Variants in KCNN3 observed in about 807,000 individuals in gnomAD.
KCNN3 encodes the protein potassium calcium-activated channel subfamily N member 3, also known as small conductance calcium-activated potassium channel protein 3.
Under a neutral mutation model 62.9 loss-of-function variants are expected in KCNN3, and 16 were observed. That is an observed-to-expected ratio of 0.25 (90% confidence interval 0.17 to 0.39). The LOEUF (loss-of-function observed/expected upper bound fraction) is 0.39. Among genes scored for constraint, KCNN3 ranks in the 10% least tolerant of loss-of-function variants. The pLI is 1.00. For synonymous variants in KCNN3, 370 were observed against 389.2 expected (o/e 0.95, Z 0.58); for missense variants, 599 against 949.4 (o/e 0.63, Z 4.85).
At chr1:154,790,222 T>C (rs545142149) in intron 2 of KCNN3, among the ~76,000 whole-genome samples, 1 of 152,292 alleles carries the variant, frequency 6.6e-6, no homozygotes, top group Non-Finnish European at 1.5e-5. Context: ...TGAGCCACCA[T>C]GCCCAGCCAA....
chr1:154,836,687 G>A (rs1009064100), intron 1 of KCNN3, among the ~76,000 whole-genome samples: 4 of 152,064 alleles, frequency 2.6e-5, no homozygotes, highest in African/African-American at 9.7e-5. Flanking sequence ...CATCCCTCTC[G>A]CACTATTCCT....
intron 2 of KCNN3, among the ~76,000 whole-genome samples, chr1:154,818,741 T>C (rs1650771525): frequency 6.6e-6 from 1 of 152,224 alleles, no homozygotes; most frequent in African/African-American, 2.4e-5. Flanking sequence ...CTGTGAGAAA[T>C]ACATTTATGT....
chr1:154,870,229 G>T lies in KCNN3; in HGVS notation c.-265C>A. Reference sequence around the variant, plus strand: ...GGTGAAAGAACTCTCTCAGGAGGTGGTCCTCTAGGAGCGTGTGAGGCCAGG... The same window carrying T: ...GGTGAAAGAACTCTCTCAGGAGGTGTTCCTCTAGGAGCGTGTGAGGCCAGG... On this transcript the variant is annotated 5_prime_UTR_variant, in exon 1 of 8. Transcript: ENST00000271915. The T allele has an allele frequency of 1.5e-6, 1 of 654,848 alleles. No individual in the cohort carries two copies. The highest frequency in any genetic ancestry group is 1.5e-5 in the South Asian group (1 of 66,166). The allele number at this position is 654,848 out of a possible 1,614,324, so 40.6% of individuals were successfully genotyped here.
At chr1:154,755,924 AGAAGAG>A (rs1214668985) in intron 3 of KCNN3, among the ~76,000 whole-genome samples, 4 of 122,862 alleles carry the variant, frequency 3.3e-5, no homozygotes, top group African/African-American at 1.3e-4. Flanking sequence ...GAAGAGAAGA[AGAAGAG>A]GTGGAGGATG....
intron 3 of KCNN3, chr1:154,737,146 G>T: frequency 4.0e-6 from 2 of 495,476 alleles, no homozygotes; most frequent in Non-Finnish European, 7.8e-6. Context: ...ATTTTAGAGC[G>T]GTTTACACAT....
rs1360739339 is a variant in KCNN3 at position 154,714,123 on chromosome 1, TGGG to T, written c.1830-593_1830-591del. ...TATGGTGTGTGTGATGTGGTGTGTGTGGGTTGTGTGTGTGGTGTTTGTGTGTGG... is the reference window on the plus strand; with the variant it reads ...TATGGTGTGTGTGATGTGGTGTGTGTTTGTGTGTGTGGTGTTTGTGTGTGG... On this transcript the variant is annotated intron_variant, in intron 6 of 7. Transcript: ENST00000271915. Among the ~76,000 whole-genome samples, 551 of 119,602 alleles carry T rather than the reference TGGG, an allele frequency of 4.6e-3. 13 individuals are homozygous for T. Among genetic ancestry groups the T allele is most frequent in the African/African-American group, 0.019 (533 of 28,400 alleles). 78.5% of individuals were successfully genotyped at this position (119,602 alleles called of 152,430 possible).
At chr1:154,824,872 A>G (rs1651042528) in intron 1 of KCNN3, among the ~76,000 whole-genome samples, 1 of 152,162 alleles carries the variant, frequency 6.6e-6, no homozygotes, top group African/African-American at 2.4e-5. Flanking sequence ...TTTGGCCAGT[A>G]CAACCTCCCT....
intron 2 of KCNN3, among the ~76,000 whole-genome samples, chr1:154,805,812 G>T (rs75366493): frequency 2.0e-5 from 3 of 152,210 alleles, no homozygotes; most frequent in Non-Finnish European, 2.9e-5. Flanking sequence ...CAGAATAATG[G>T]CCCCCCAAAA....
rs1650544780 is a variant in KCNN3 at position 154,813,874 on chromosome 1, A to G, written c.1029+8215T>C. The stretch of plus-strand genomic sequence containing the variant: ...AGGGAGAGCAGCCGGGGGCCCTCAC[A>G]CCTGAGGGACAGGGAGCAGGGGCAG... On this transcript the variant is annotated intron_variant, in intron 2 of 7. Transcript: ENST00000271915. Among the ~76,000 whole-genome samples the G allele has an allele frequency of 2.0e-5, 3 of 152,142 alleles. No homozygotes were observed. The South Asian group carries it at 6.2e-4, about 32-fold the overall frequency.
chr1:154,751,244 G>T (rs1361403576), intron 3 of KCNN3, among the ~76,000 whole-genome samples: 1 of 152,132 alleles, frequency 6.6e-6, no homozygotes, highest in Non-Finnish European at 1.5e-5. Flanking sequence ...TGAGGATTTG[G>T]CTAAAGAAGC....
rs1699876715 is a variant in KCNN3, at chr1:154,702,686, T to C, written c.*5290A>G. Reference sequence around the variant, plus strand: ...TTGAGTGAAGCTGGACGTTGGCTGCTTCGATCTGATTCAGATATATATATA... The same window carrying C: ...TTGAGTGAAGCTGGACGTTGGCTGCCTCGATCTGATTCAGATATATATATA... On this transcript the variant is annotated 3_prime_UTR_variant, in exon 8 of 8. Transcript: ENST00000271915. 7.7e-6 allele frequency: 1 copy of C among 129,820 alleles called. No homozygotes were observed. Among genetic ancestry groups the C allele is most frequent in the Non-Finnish European group, 1.6e-5 (1 of 62,902 alleles). The allele number at this position is 129,820 out of a possible 1,614,324, so 8.0% of individuals were successfully genotyped here. A position where few individuals can be genotyped will look rare whatever the true frequency, so the allele number is the denominator to read the frequency against.
At chr1:154,740,566 C>T (rs1412609481) in intron 3 of KCNN3, among the ~76,000 whole-genome samples, 1 of 152,202 alleles carries the variant, frequency 6.6e-6, no homozygotes, top group Admixed American at 6.5e-5. Context: ...TAGGAAATGT[C>T]AAGTTGTTTT....
intron 3 of KCNN3, among the ~76,000 whole-genome samples, chr1:154,762,891 C>T (rs1648083900): frequency 6.6e-6 from 1 of 152,132 alleles, no homozygotes; most frequent in Non-Finnish European, 1.5e-5. Context: ...TTCTCCATTA[C>T]CATTTATTGA....
Position 154,756,143 on chromosome 1 carries a change from GGAA to G in KCNN3, c.1448+15829_1448+15831del, listed in dbSNP as rs1235761688. ...AGGAAGATGAGGAGGAGGAAGAGGA[GGAA>G]GAAGAAGGAGGAGAAGAAGAAGAGA... On this transcript the variant is annotated intron_variant, in intron 3 of 7. Coordinates refer to ENST00000271915, the MANE Select transcript of KCNN3 (RefSeq NM_002249.6). 3.7e-5 allele frequency among the ~76,000 whole-genome samples: 4 copies of G among 108,494 alleles called. No individual in the cohort carries two copies. In the East Asian group the frequency reaches 8.9e-4, roughly 24 times the overall value. The allele number at this position is 108,494 out of a possible 152,430, so 71.2% of individuals were successfully genotyped here. A position where few individuals can be genotyped will look rare whatever the true frequency, so the allele number is the denominator to read the frequency against.
At chr1:154,713,356 G>T (rs1700118035) in intron 7 of KCNN3, 108 bp downstream of exon 7, 4 of 855,634 alleles carry the variant, frequency 4.7e-6, no homozygotes, top group Non-Finnish European at 8.0e-6. Context: ...TTCTTTGCTT[G>T]CCTGGTCCCG....
intron 2 of KCNN3, among the ~76,000 whole-genome samples, chr1:154,790,530 T>G (rs569459892): frequency 6.6e-6 from 1 of 152,354 alleles, no homozygotes; most frequent in East Asian, 1.9e-4. Context: ...TACTGAACAC[T>G]GTAAACGGTA....
intron 1 of KCNN3, among the ~76,000 whole-genome samples, chr1:154,845,171 A>G (rs1039339281): frequency 1.3e-5 from 2 of 152,072 alleles, no homozygotes; most frequent in Non-Finnish European, 2.9e-5. Flanking sequence ...CACTCTTCCC[A>G]TTGAGCTCAG....
At chr1:154,775,768 T>C (rs1432925046) in intron 2 of KCNN3, among the ~76,000 whole-genome samples, 1 of 152,174 alleles carries the variant, frequency 6.6e-6, no homozygotes, top group Non-Finnish European at 1.5e-5. Flanking sequence ...GACATAGGTT[T>C]TCCCCAGCAA....
intron 3 of KCNN3, among the ~76,000 whole-genome samples, chr1:154,742,012 T>C (rs1700831141): frequency 6.6e-6 from 1 of 152,236 alleles, no homozygotes; most frequent in South Asian, 2.1e-4. Flanking sequence ...GGTGCCTCTC[T>C]CCTCGGAACA....
Sources: gnomAD v4.1 joint callset for allele counts (sites outside exome capture counted in the v4.1 genomes callset) on GRCh38, gnomAD v4.1.1 for gene constraint, MANE v1.5 for transcripts, NCBI Gene and HGNC (gene_info 2026-07-23, HGNC 2026-07-21) for gene names.